GPR158: variants seen among roughly 807,000 people sequenced by gnomAD.
GPR158 encodes the protein G protein-coupled receptor 158, also known as metabotropic glycine receptor.
Under a neutral mutation model 78.2 loss-of-function variants are expected in GPR158, and 30 were observed. The observed-to-expected ratio is 0.38, with a 90% CI of 0.29 to 0.52. The LOEUF (loss-of-function observed/expected upper bound fraction) is 0.52, where lower values mean the gene tolerates loss of function less well. Ranked by LOEUF, GPR158 falls within the 20% of genes least tolerant of loss-of-function variation. The probability of loss-of-function intolerance (pLI) is 0.83; values close to 1 mark genes in which losing one functional copy is unlikely to be tolerated. For synonymous variants in GPR158, 581 were observed against 591.1 expected (o/e 0.98, Z 0.25); for missense variants, 1,463 against 1,523.5 (o/e 0.96, Z 0.66).
chr10:25,338,477 AT>A (rs1564426230), intron 2 of GPR158, among the ~76,000 whole-genome samples: 1 of 131,480 alleles, frequency 7.6e-6, no homozygotes, highest in Non-Finnish European at 1.6e-5. Context: ...TATTATACGT[AT>A]AATATACGTA....
intron 5 of GPR158, among the ~76,000 whole-genome samples, chr10:25,478,372 A>G (rs1383219034): frequency 1.3e-5 from 2 of 152,188 alleles, no homozygotes; most frequent in East Asian, 1.9e-4. Flanking sequence ...ATTAAAGAAC[A>G]CAATGAAAAA....
chr10:25,229,756 A>G (rs1853423739), intron 2 of GPR158, among the ~76,000 whole-genome samples: 1 of 152,234 alleles, frequency 6.6e-6, no homozygotes, highest in Non-Finnish European at 1.5e-5. Flanking sequence ...GGGGTATTTT[A>G]GATTACAAAC....
chr10:25,465,235 C>T (rs1324999948), intron 4 of GPR158, among the ~76,000 whole-genome samples: 1 of 152,106 alleles, frequency 6.6e-6, no homozygotes, highest in Non-Finnish European at 1.5e-5. Context: ...AAATTATTTT[C>T]CTGTTAAGAT....
intron 4 of GPR158, among the ~76,000 whole-genome samples, chr10:25,463,139 C>A (rs1835377831): frequency 6.6e-6 from 1 of 152,122 alleles, no homozygotes; most frequent in Non-Finnish European, 1.5e-5. Context: ...GAGGCAAGAC[C>A]CTCCACCAGC....
intron 2 of GPR158, among the ~76,000 whole-genome samples, chr10:25,350,713 A>C (rs1177509851): frequency 6.6e-6 from 1 of 151,920 alleles, no homozygotes; most frequent in Non-Finnish European, 1.5e-5. Flanking sequence ...TGCCTTGGAG[A>C]CAGGACAGTT....
intron 5 of GPR158, among the ~76,000 whole-genome samples, chr10:25,493,613 T>C (rs748407858): frequency 1.3e-5 from 2 of 152,216 alleles, no homozygotes; most frequent in Non-Finnish European, 2.9e-5. Flanking sequence ...AAATAAAATA[T>C]GTCTAAATTA....
At chr10:25,356,510 A>G (rs946084733) in intron 2 of GPR158, among the ~76,000 whole-genome samples, 36 of 152,080 alleles carry the variant, frequency 2.4e-4, no homozygotes, top group African/African-American at 8.0e-4. Context: ...GGGAGGGACC[A>G]GGTGGGAGAT....
chr10:25,413,428 T>C (rs1488427642), intron 4 of GPR158, among the ~76,000 whole-genome samples: 1 of 152,186 alleles, frequency 6.6e-6, no homozygotes, highest in Non-Finnish European at 1.5e-5. Flanking sequence ...TGGGGGAGCT[T>C]TCTCCAGTTG....
chr10:25,432,008 TAA>T (rs1312851082), intron 4 of GPR158, among the ~76,000 whole-genome samples: 3 of 74,204 alleles, frequency 4.0e-5, no homozygotes, highest in Non-Finnish European at 1.2e-4. Context: ...ATAATAATAA[TAA>T]AATAAAAAAA....
At chr10:25,183,270 G>A (rs1564384768) in intron 1 of GPR158, among the ~76,000 whole-genome samples, 2 of 152,192 alleles carry the variant, frequency 1.3e-5, no homozygotes, top group Non-Finnish European at 1.5e-5. Flanking sequence ...TCTTGGCTAA[G>A]TCTTTCACAG....
intron 2 of GPR158, among the ~76,000 whole-genome samples, chr10:25,354,789 CTT>C (rs140363938): frequency 0.015 from 2,255 of 152,176 alleles, 66 homozygotes; most frequent in African/African-American, 0.052. Context: ...CTGGGAAAGA[CTT>C]TATCTGAAGG....
At chr10:25,514,488 G>A (rs891737781) in intron 5 of GPR158, among the ~76,000 whole-genome samples, 1 of 152,060 alleles carries the variant, frequency 6.6e-6, no homozygotes, top group African/African-American at 2.4e-5. Flanking sequence ...TCTTAGTGGA[G>A]CATTTATGCC....
chr10:25,589,053 G>A lies in GPR158; in HGVS notation c.1800G>A (p.Val600=). 6.2e-7 allele frequency: 1 copy of A among 1,611,596 alleles called. No homozygotes were observed. The highest frequency in any genetic ancestry group is 1.1e-5 in the South Asian group (1 of 90,804). Residue 600 remains valine (V), a synonymous_variant, in exon 8 of 11, where the codon GTG becomes GTA. Coordinates refer to ENST00000376351, the MANE Select transcript of GPR158 (RefSeq NM_020752.3). ...GGGGTGTTTATCTCTGCTATGCAGT[G>A]CGGACAGTCCCATCGGCATTCCATG... ...LLWGVYLCYA[V]RTVPSAFHEP...
chr10:25,577,971 A>T (rs1837127889), intron 7 of GPR158, among the ~76,000 whole-genome samples: 3 of 152,210 alleles, frequency 2.0e-5, no homozygotes, highest in Admixed American at 2.0e-4. Context: ...TTAACAAATG[A>T]CTTTTTCATC....
intron 1 of GPR158, among the ~76,000 whole-genome samples, chr10:25,188,194 A>C (rs1202133105): frequency 6.6e-6 from 1 of 152,174 alleles, no homozygotes; most frequent in Non-Finnish European, 1.5e-5. Context: ...ATATCATGAA[A>C]ATGGCCATAC....
intron 2 of GPR158, among the ~76,000 whole-genome samples, chr10:25,254,619 T>C (rs1385574502): frequency 1.3e-5 from 2 of 152,202 alleles, no homozygotes; most frequent in Admixed American, 1.3e-4. Context: ...ATATAGCATT[T>C]ATATAACTGC....
chr10:25,326,870 C>T lies in GPR158; in HGVS notation c.1009-69041C>T, dbSNP rs116526026. On this transcript the variant is annotated intron_variant, in intron 2 of 10. Coordinates refer to ENST00000376351, the MANE Select transcript of GPR158 (RefSeq NM_020752.3). ...CACTGTAAATACAGATGGTCACTGA[C>T]GATTATTTGACTTATGGCTTTTTCA... is the stretch of plus-strand genomic sequence containing the variant. 8.1e-3 allele frequency among the ~76,000 whole-genome samples: 1,237 copies of T among 152,146 alleles called. 17 individuals are homozygous for T. The highest frequency in any genetic ancestry group is 0.028 in the African/African-American group (1,148 of 41,512).
At chr10:25,596,586 TATATGC>T (rs1240729807) in intron 9 of GPR158, 51 bp from the exon 10 acceptor site, 1 of 1,246,580 alleles carries the variant, frequency 8.0e-7, no homozygotes, top group Non-Finnish European at 1.2e-6. Flanking sequence ...TAGATATAGA[TATATGC>T]AATGCGTTAC....
intron 2 of GPR158, among the ~76,000 whole-genome samples, chr10:25,385,970 G>C (rs920956504): frequency 1.3e-5 from 2 of 152,052 alleles, no homozygotes; most frequent in Non-Finnish European, 2.9e-5. Flanking sequence ...ATTTGATGTA[G>C]TCCCATTTGT....
Sources: allele counts gnomAD v4.1 joint callset (sites outside exome capture counted in the v4.1 genomes callset), GRCh38; gene constraint gnomAD v4.1.1; transcripts MANE v1.5; gene names NCBI Gene and HGNC (gene_info 2026-07-23, HGNC 2026-07-21).